GABRB1: variants seen among roughly 807,000 people sequenced by gnomAD.
The protein encoded by GABRB1 is gamma-aminobutyric acid type A receptor subunit beta1.
A neutral mutation model predicts 51.6 loss-of-function variants in GABRB1; 17 were observed. The observed-to-expected ratio is 0.33, with a 90% CI of 0.23 to 0.49. The LOEUF is 0.49. GABRB1 is among the 20% of genes least tolerant of loss of function. The probability of loss-of-function intolerance (pLI) is 0.99; values close to 1 mark genes in which losing one functional copy is unlikely to be tolerated. For synonymous variants in GABRB1, 247 were observed against 218.9 expected, an observed-to-expected ratio of 1.13 and a Z score of -1.14; for missense variants, 410 against 600.6, an observed-to-expected ratio of 0.68 and a Z score of 3.32.
intron 5 of GABRB1, among the ~76,000 whole-genome samples, chr4:47,331,281 C>A (rs1204189720): frequency 6.6e-6 from 1 of 151,998 alleles, no homozygotes; most frequent in African/African-American, 2.4e-5. Context: ...TTCCTTTTTC[C>A]AGCCTGCTTC....
At chr4:47,240,448 G>A (rs1054499079) in intron 4 of GABRB1, among the ~76,000 whole-genome samples, 3 of 152,166 alleles carry the variant, frequency 2.0e-5, no homozygotes, top group African/African-American at 7.2e-5. Flanking sequence ...TTTTTCAAGA[G>A]TGGAGAATGT....
chr4:47,162,739 C>T (rs1226300091), intron 4 of GABRB1, among the ~76,000 whole-genome samples: 1 of 152,024 alleles, frequency 6.6e-6, no homozygotes, highest in Non-Finnish European at 1.5e-5. Flanking sequence ...CACTCCACTG[C>T]CATTCAAGTG....
At chr4:47,266,293 T>C (rs545777066) in intron 4 of GABRB1, among the ~76,000 whole-genome samples, 56 of 152,130 alleles carry the variant, frequency 3.7e-4, no homozygotes, top group Non-Finnish European at 7.4e-4. Context: ...TCTATAATTT[T>C]ATAGCAGTAC....
chr4:47,098,330 T>C (rs543131124), intron 3 of GABRB1, among the ~76,000 whole-genome samples: 1 of 152,280 alleles, frequency 6.6e-6, no homozygotes, highest in East Asian at 1.9e-4. Context: ...TGGGGGGTTA[T>C]TGATTCAGTG....
At chr4:47,063,867 C>T (rs1726943686) in intron 3 of GABRB1, among the ~76,000 whole-genome samples, 1 of 151,922 alleles carries the variant, frequency 6.6e-6, no homozygotes, top group Admixed American at 6.6e-5. Flanking sequence ...GGGAACAACA[C>T]ACACTGGGGC....
intron 5 of GABRB1, among the ~76,000 whole-genome samples, chr4:47,400,514 C>T (rs183612792): frequency 7.0e-6 from 1 of 143,052 alleles, no homozygotes; most frequent in Admixed American, 6.8e-5. Context: ...CCTGTTGATG[C>T]ACCAGGAGGT....
intron 3 of GABRB1, among the ~76,000 whole-genome samples, chr4:47,081,924 A>T (rs555440786): frequency 2.6e-5 from 4 of 152,022 alleles, no homozygotes; most frequent in Non-Finnish European, 5.9e-5. Flanking sequence ...TCTGGGCTCC[A>T]TTTTCTTTCA....
At chr4:47,042,708 T>C (rs1325304200) in intron 3 of GABRB1, among the ~76,000 whole-genome samples, 1 of 151,600 alleles carries the variant, frequency 6.6e-6, no homozygotes, top group East Asian at 1.9e-4. Context: ...TGTAGGGATT[T>C]TTAAATAAGA....
intron 5 of GABRB1, among the ~76,000 whole-genome samples, chr4:47,345,278 C>A (rs1027974199): frequency 1.3e-5 from 2 of 152,040 alleles, no homozygotes; most frequent in African/African-American, 4.8e-5. Flanking sequence ...CAACAGAGAG[C>A]AAAAGTTAAG....
rs896464601 is a variant in GABRB1 at position 47,301,524 on chromosome 4, C to A, written c.462-18603C>A. On this transcript the variant is annotated intron_variant, in intron 4 of 8. Transcript: ENST00000295454. ...TGGTGCGTGCCTGTAGTCCCAGCTA[C>A]TTGGGAGACTAAGGTCAGGGGATCG... Among the ~76,000 whole-genome samples, 12 of 151,312 alleles carry A rather than the reference C, an allele frequency of 7.9e-5. No homozygotes were observed. The Admixed American group carries it at 7.9e-4, about 10-fold the overall frequency.
intron 3 of GABRB1, among the ~76,000 whole-genome samples, chr4:47,098,822 G>A (rs1714587915): frequency 6.6e-6 from 1 of 152,028 alleles, no homozygotes; most frequent in Non-Finnish European, 1.5e-5. Context: ...TTGCTAATGA[G>A]CCATGTTTTT....
intron 4 of GABRB1, among the ~76,000 whole-genome samples, chr4:47,239,892 G>C (rs1721462834): frequency 6.6e-6 from 1 of 152,132 alleles, no homozygotes; most frequent in Admixed American, 6.6e-5. Flanking sequence ...GCTGCCACGG[G>C]GCTCAGTGCT....
At chr4:47,223,354 ATTTC>A (rs139232611) in intron 4 of GABRB1, among the ~76,000 whole-genome samples, 4,019 of 152,198 alleles carry the variant, frequency 0.026, 91 homozygotes, top group South Asian at 0.1. Context: ...AAGACCTAAT[ATTTC>A]TTTCTCAGAA....
intron 4 of GABRB1, among the ~76,000 whole-genome samples, chr4:47,250,570 C>T (rs181333543): frequency 5.3e-5 from 8 of 152,302 alleles, no homozygotes; most frequent in African/African-American, 1.9e-4. Context: ...GAATTCTCTT[C>T]TTCCTCTGGA....
intron 3 of GABRB1, among the ~76,000 whole-genome samples, chr4:47,150,715 AT>A (rs1466778509): frequency 3.3e-5 from 5 of 152,084 alleles, no homozygotes; most frequent in Non-Finnish European, 7.4e-5. Flanking sequence ...CACATTATTA[AT>A]TGGTTAGAGA....
intron 4 of GABRB1, among the ~76,000 whole-genome samples, chr4:47,312,037 TTG>T (rs36206411): frequency 0.074 from 10,455 of 140,754 alleles, 663 homozygotes; most frequent in East Asian, 0.27. Context: ...TACCCAAGGC[TTG>T]TGTGTGTGTG....
intron 4 of GABRB1, among the ~76,000 whole-genome samples, chr4:47,269,765 C>T (rs1026017339): frequency 6.6e-6 from 1 of 152,142 alleles, no homozygotes; most frequent in African/African-American, 2.4e-5. Context: ...CTTTAATTCT[C>T]ACCACAAGCA....
chr4:47,006,124 A>G (rs1483041360), intron 1 of GABRB1, among the ~76,000 whole-genome samples: 1 of 151,884 alleles, frequency 6.6e-6, no homozygotes, highest in Non-Finnish European at 1.5e-5. Flanking sequence ...CTTCCATTAG[A>G]TCATTTCCGA....
At chr4:47,286,568 T>C (rs17461466) in intron 4 of GABRB1, among the ~76,000 whole-genome samples, 8,898 of 145,852 alleles carry the variant, frequency 0.061, 345 homozygotes, top group Admixed American at 0.081. Context: ...GTGTATGTTG[T>C]ATTCAACTGT....
Sources: allele counts gnomAD v4.1 joint callset (sites outside exome capture counted in the v4.1 genomes callset), GRCh38; gene constraint gnomAD v4.1.1; transcripts MANE v1.5; gene names NCBI Gene and HGNC (gene_info 2026-07-23, HGNC 2026-07-21).